MAPK10: variants seen among roughly 807,000 people sequenced by gnomAD.
The protein encoded by MAPK10 is JNK3 alpha protein kinase.
MAPK10 carries 25 observed loss-of-function variants against 59.3 expected under a neutral mutation model. That is an observed-to-expected ratio of 0.42 (90% CI 0.31 to 0.59). The LOEUF (loss-of-function observed/expected upper bound fraction) is 0.59. Among genes scored for constraint, MAPK10 ranks in the 20% least tolerant of loss-of-function variants. MAPK10 has a pLI of 0.15. For synonymous variants in MAPK10, 190 were observed against 200.5 expected, an observed-to-expected ratio of 0.95 and a Z score of 0.44; for missense variants, 351 against 568.9, an observed-to-expected ratio of 0.62 and a Z score of 3.90.
rs988346817 is a variant in MAPK10, at chr4:86,151,576, G to A, written c.236+7722C>T. 3.3e-5 allele frequency among the ~76,000 whole-genome samples: 5 copies of A among 152,266 alleles called. No homozygotes were observed. The East Asian group carries it at 9.7e-4, about 30-fold the overall frequency. ...AAAGCTTCAGAGGACAAGGAGGTGAGAAAATAAAGAGCATCTGAGAGTGTC... is the reference window on the plus strand; with the variant it reads ...AAAGCTTCAGAGGACAAGGAGGTGAAAAAATAAAGAGCATCTGAGAGTGTC... On this transcript the variant is annotated intron_variant, in intron 4 of 13. Transcript: ENST00000641462.
At chr4:86,088,137 A>G (rs551130789) in intron 9 of MAPK10, among the ~76,000 whole-genome samples, 4 of 152,100 alleles carry the variant, frequency 2.6e-5, no homozygotes, top group Non-Finnish European at 5.9e-5. Context: ...CACACTATTC[A>G]TATCTATTTA....
At chr4:86,539,073 A>G (rs983216028) in intron 1 of MAPK10, among the ~76,000 whole-genome samples, 2 of 152,276 alleles carry the variant, frequency 1.3e-5, no homozygotes, top group Admixed American at 6.5e-5. Context: ...TGGGCTTGCA[A>G]AAAACCGATT....
intron 2 of MAPK10, among the ~76,000 whole-genome samples, chr4:86,223,628 G>C (rs937908356): frequency 6.6e-6 from 1 of 152,116 alleles, no homozygotes; most frequent in East Asian, 1.9e-4. Flanking sequence ...CCACCTGCAG[G>C]AGGCAGTAGC....
chr4:86,431,971 G>GTAT (rs1564856785), intron 1 of MAPK10, among the ~76,000 whole-genome samples: 1 of 152,184 alleles, frequency 6.6e-6, no homozygotes, highest in Non-Finnish European at 1.5e-5. Context: ...ATGGACAGCG[G>GTAT]TCTTTTATTA....
rs146528778 is a variant in MAPK10 at position 86,202,617 on chromosome 4, T to C, written c.-6-8210A>G. The stretch of plus-strand genomic sequence containing the variant: ...ATTAGGAGCAAGGAGTTTGCAGTAG[T>C]AGAAATATGAAGGAAATAATCCAAG... On this transcript the variant is annotated intron_variant, in intron 2 of 13. Transcript: ENST00000641462. Among the ~76,000 whole-genome samples, 9 of 151,986 alleles carry C rather than the reference T, an allele frequency of 5.9e-5. No homozygotes were observed. In the East Asian group the frequency reaches 1.7e-3, roughly 29 times the overall value.
chr4:86,511,096 T>C (rs1159418905), intron 1 of MAPK10, among the ~76,000 whole-genome samples: 3 of 152,280 alleles, frequency 2.0e-5, no homozygotes, highest in Non-Finnish European at 4.4e-5. Flanking sequence ...CCAGGTACCC[T>C]GATTTGATCA....
At chr4:86,579,829 T>G (rs1762141989) in intron 1 of MAPK10, among the ~76,000 whole-genome samples, 1 of 152,164 alleles carries the variant, frequency 6.6e-6, no homozygotes, top group Non-Finnish European at 1.5e-5. Flanking sequence ...TTTTTCTTTT[T>G]AAGAGACAGG....
chr4:86,587,799 TA>T (rs924056901), intron 1 of MAPK10, among the ~76,000 whole-genome samples: 4 of 152,190 alleles, frequency 2.6e-5, no homozygotes, highest in Non-Finnish European at 4.4e-5. Context: ...CACTGGCATT[TA>T]AAACACACAC....
chr4:86,247,494 CT>C (rs1350694593), intron 2 of MAPK10, among the ~76,000 whole-genome samples: 1 of 152,182 alleles, frequency 6.6e-6, no homozygotes, highest in Non-Finnish European at 1.5e-5. Context: ...AGCACTTACT[CT>C]GTCTGAGGCA....
chr4:86,221,836 A>C (rs2148643095), intron 2 of MAPK10, among the ~76,000 whole-genome samples: 1 of 152,196 alleles, frequency 6.6e-6, no homozygotes, highest in Admixed American at 6.5e-5. Context: ...TGGAGGTGGG[A>C]CTTGGTGGGA....
intron 1 of MAPK10, among the ~76,000 whole-genome samples, chr4:86,585,532 C>T (rs67341369): frequency 0.3 from 44,910 of 152,152 alleles, 7,068 homozygotes; most frequent in Admixed American, 0.35. Context: ...CATCCAAAGA[C>T]TGGCTAATGA....
At chr4:86,592,597 T>C (rs1271865707) in intron 1 of MAPK10, among the ~76,000 whole-genome samples, 1 of 152,194 alleles carries the variant, frequency 6.6e-6, no homozygotes, top group East Asian at 1.9e-4. Flanking sequence ...CAACCTGCCT[T>C]TCCTACCTCC....
chr4:86,185,390 G>A (rs1047624495), intron 3 of MAPK10, among the ~76,000 whole-genome samples: 2 of 152,136 alleles, frequency 1.3e-5, no homozygotes, highest in Non-Finnish European at 2.9e-5. Context: ...GTTAAGGAGT[G>A]GCCCAAGTGG....
At chr4:86,314,031 A>T (rs2095724208) in intron 2 of MAPK10, among the ~76,000 whole-genome samples, 1 of 150,170 alleles carries the variant, frequency 6.7e-6, no homozygotes, top group South Asian at 2.1e-4. Flanking sequence ...CCACAAAAAA[A>T]CAGCATGGAT....
intron 3 of MAPK10, among the ~76,000 whole-genome samples, chr4:86,184,779 G>A (rs1336439402): frequency 6.7e-6 from 1 of 150,198 alleles, no homozygotes; most frequent in Non-Finnish European, 1.5e-5. Context: ...TGAACCAGAA[G>A]CAGATGCCTG....
chr4:86,366,365 T>C (rs1457268519), intron 1 of MAPK10, among the ~76,000 whole-genome samples: 5 of 152,146 alleles, frequency 3.3e-5, no homozygotes, highest in Non-Finnish European at 7.4e-5. Context: ...CTCCTCAAAG[T>C]GTAATTCTTA....
chr4:86,560,655 C>A (rs1213668645), intron 1 of MAPK10, among the ~76,000 whole-genome samples: 1 of 152,228 alleles, frequency 6.6e-6, no homozygotes, highest in Non-Finnish European at 1.5e-5. Flanking sequence ...AGTAGTAATA[C>A]ATTGGCAATT....
intron 1 of MAPK10, among the ~76,000 whole-genome samples, chr4:86,520,483 A>G (rs1757033552): frequency 6.6e-6 from 1 of 151,442 alleles, no homozygotes; most frequent in Non-Finnish European, 1.5e-5. Context: ...GTTCTTTATG[A>G]TATCTGTTTC....
chr4:86,572,480 T>C (rs990771913), intron 1 of MAPK10, among the ~76,000 whole-genome samples: 2 of 152,188 alleles, frequency 1.3e-5, no homozygotes, highest in East Asian at 3.8e-4. Flanking sequence ...ACTGGGTCCC[T>C]TGGAATTCTG....
Sources: gnomAD v4.1 joint callset for allele counts (sites outside exome capture counted in the v4.1 genomes callset) on GRCh38, gnomAD v4.1.1 for gene constraint, MANE v1.5 for transcripts, NCBI Gene and HGNC (gene_info 2026-07-23, HGNC 2026-07-21) for gene names.